Variants in UBE2QL1 observed in about 807,000 individuals in gnomAD.
UBE2QL1 encodes the protein ubiquitin conjugating enzyme E2 QL1.
Under a neutral mutation model 12.6 loss-of-function variants are expected in UBE2QL1, and 5 were observed. The observed-to-expected ratio is 0.40, with a 90% CI of 0.21 to 0.83. The LOEUF (loss-of-function observed/expected upper bound fraction) is 0.83. Ranked by LOEUF, UBE2QL1 falls within the 40% of genes least tolerant of loss-of-function variation. UBE2QL1 has a pLI of 0.37. For missense variants in UBE2QL1, 99 were observed against 222.6 expected, an observed-to-expected ratio of 0.44 and a Z score of 3.53; for synonymous variants, 96 against 94.5, an observed-to-expected ratio of 1.02 and a Z score of -0.10.
At chr5:6,472,387 C>T (rs560720299) in intron 1 of UBE2QL1, among the ~76,000 whole-genome samples, 1 of 152,182 alleles carries the variant, frequency 6.6e-6, no homozygotes, top group South Asian at 2.1e-4. Context: ...TTGCCAGAAA[C>T]TTCCAGAATG....
intron 1 of UBE2QL1, among the ~76,000 whole-genome samples, chr5:6,489,602 T>C (rs566339379): frequency 6.6e-6 from 1 of 152,126 alleles, no homozygotes; most frequent in Non-Finnish European, 1.5e-5. Context: ...AAGACAATTA[T>C]TGAAAAGGAA....
intron 1 of UBE2QL1, among the ~76,000 whole-genome samples, chr5:6,459,001 G>T (rs904388212): frequency 5.3e-5 from 8 of 152,106 alleles, no homozygotes; most frequent in Middle Eastern, 3.2e-3. Flanking sequence ...TGGGAGAGAA[G>T]AGCACAGCAA....
rs1313016910 is a variant in UBE2QL1, at chr5:6,496,079, GACA to G, written c.*4732_*4734del. On this transcript the variant is annotated 3_prime_UTR_variant, in exon 2 of 2. Transcript: ENST00000399816. ...TTCTTTCAAGGTCATGATAAGGCTA[GACA>G]AATAGAGTGCAATGAGGGGGTCAGG... Among the ~76,000 whole-genome samples the G allele has an allele frequency of 1.3e-5, 2 of 152,176 alleles. No homozygotes were observed. The highest frequency in any genetic ancestry group is 4.8e-5 in the African/African-American group (2 of 41,428).
chr5:6,457,949 C>T (rs1172243035), intron 1 of UBE2QL1, among the ~76,000 whole-genome samples: 2 of 152,194 alleles, frequency 1.3e-5, no homozygotes, highest in South Asian at 2.1e-4. Context: ...TTATCAGCAA[C>T]GTTGGACAAA....
chr5:6,454,317 G>C (rs1739472925), intron 1 of UBE2QL1, among the ~76,000 whole-genome samples: 1 of 152,196 alleles, frequency 6.6e-6, no homozygotes, highest in Non-Finnish European at 1.5e-5. Flanking sequence ...TGTAGATGCT[G>C]TGTCCTCCCT....
chr5:6,490,371 T>G (rs1048300978), intron 1 of UBE2QL1, among the ~76,000 whole-genome samples: 2 of 152,248 alleles, frequency 1.3e-5, no homozygotes, highest in Non-Finnish European at 2.9e-5. Context: ...TGGTTTCTTC[T>G]TCTGCATAGT....
intron 1 of UBE2QL1, among the ~76,000 whole-genome samples, chr5:6,462,057 C>T (rs781180276): frequency 2.0e-5 from 3 of 152,312 alleles, no homozygotes; most frequent in Non-Finnish European, 2.9e-5. Context: ...CAAGCCCAAG[C>T]GAGGGTGATG....
chr5:6,466,254 C>A (rs1054745893), intron 1 of UBE2QL1, among the ~76,000 whole-genome samples: 2 of 152,372 alleles, frequency 1.3e-5, no homozygotes, highest in Middle Eastern at 3.4e-3. Flanking sequence ...CACCAGGCAG[C>A]CATCATGGGG....
In UBE2QL1 at chr5:6,481,239, C is replaced by T. The variant is rs529108907; in HGVS notation, c.355-9979C>T. Among the ~76,000 whole-genome samples, 30 of 152,326 alleles carry T rather than the reference C, an allele frequency of 2.0e-4. No homozygotes were observed. The highest frequency in any genetic ancestry group is 6.3e-4 in the African/African-American group (26 of 41,578). On this transcript the variant is annotated intron_variant, in intron 1 of 1. Transcript: ENST00000399816. This position sits in a 1 kb window ranked among gnomAD's most constrained non-coding sequence, Gnocchi z 4.5. ...ACTGTCCCCAGCCAAACACACCCAT[C>T]CTCCCAGGACCCCACAGCCTGCTCC...
chr5:6,456,965 C>A (rs1739539931), intron 1 of UBE2QL1, among the ~76,000 whole-genome samples: 1 of 151,884 alleles, frequency 6.6e-6, no homozygotes, highest in Admixed American at 6.5e-5. Context: ...CCGCTCTCTT[C>A]CTCTCCAGCC....
chr5:6,467,452 G>A (rs1217172595), intron 1 of UBE2QL1, among the ~76,000 whole-genome samples: 2 of 152,044 alleles, frequency 1.3e-5, no homozygotes, highest in African/African-American at 2.4e-5. Context: ...TCTCCTCTAC[G>A]TGTGTCTGAA....
Position 6,460,538 on chromosome 5 carries a change from TCTA to T in UBE2QL1, c.354+11294_354+11296del, listed in dbSNP as rs33919494. Among the ~76,000 whole-genome samples the T allele has an allele frequency of 5.1e-3, 773 of 152,312 alleles. 5 individuals carry two copies. The highest frequency in any genetic ancestry group is 0.018 in the African/African-American group (750 of 41,580). On this transcript the variant is annotated intron_variant, in intron 1 of 1. Coordinates refer to ENST00000399816, the MANE Select transcript of UBE2QL1 (RefSeq NM_001145161.3). The stretch of plus-strand genomic sequence containing the variant: ...AGAGCCTCCTTTTTGCCCTCATAAA[TCTA>T]CTGCTGTGGACGCTTGCTGTTGCCT...
rs1371500343 is a variant in UBE2QL1 at position 6,476,223 on chromosome 5, ACCTCTGCTG to A, written c.355-14987_355-14979del. 6.6e-6 allele frequency among the ~76,000 whole-genome samples: 1 copy of A among 152,044 alleles called. No homozygotes were observed. The highest frequency in any genetic ancestry group is 2.4e-5 in the African/African-American group (1 of 41,384). On this transcript the variant is annotated intron_variant, in intron 1 of 1. Transcript: ENST00000399816. The surrounding 1 kb of genome is among the most constrained non-coding windows in gnomAD (Gnocchi z 4.9). Reference sequence around the variant, plus strand: ...GTCCCGATGTTTGTGCAGAGGAGACACCTCTGCTGCCTCTGCAGAGCCTGCACCTCAGCA... The same window carrying A: ...GTCCCGATGTTTGTGCAGAGGAGACACCTCTGCAGAGCCTGCACCTCAGCA...
At chr5:6,485,117 C>G (rs1734438414) in intron 1 of UBE2QL1, among the ~76,000 whole-genome samples, 1 of 152,122 alleles carries the variant, frequency 6.6e-6, no homozygotes, top group Non-Finnish European at 1.5e-5. Flanking sequence ...TGCACACATA[C>G]ACAAATGCAT....
At chr5:6,459,520 G>C (rs1489020313) in intron 1 of UBE2QL1, among the ~76,000 whole-genome samples, 1 of 151,938 alleles carries the variant, frequency 6.6e-6, no homozygotes, top group African/African-American at 2.4e-5. Context: ...AGGTGTCTGG[G>C]GACACCTGCA....
chr5:6,460,040 C>T (rs1415940207), intron 1 of UBE2QL1, among the ~76,000 whole-genome samples: 1 of 152,140 alleles, frequency 6.6e-6, no homozygotes, highest in Non-Finnish European at 1.5e-5. Flanking sequence ...AGGGCCAGAG[C>T]AACTGGGATC....
At chr5:6,459,267 A>T (rs1229647265) in intron 1 of UBE2QL1, among the ~76,000 whole-genome samples, 3 of 152,252 alleles carry the variant, frequency 2.0e-5, no homozygotes, top group Admixed American at 6.5e-5. Flanking sequence ...AAAGGACATT[A>T]CCGTAAGTCA....
intron 1 of UBE2QL1, among the ~76,000 whole-genome samples, chr5:6,466,752 G>A (rs562351677): frequency 3.3e-5 from 5 of 152,196 alleles, no homozygotes; most frequent in Non-Finnish European, 5.9e-5. Flanking sequence ...ATGTCACTCC[G>A]GCCCTACATA....
At chr5:6,463,429 G>C (rs1474071924) in intron 1 of UBE2QL1, among the ~76,000 whole-genome samples, 1 of 151,994 alleles carries the variant, frequency 6.6e-6, no homozygotes, top group Non-Finnish European at 1.5e-5. Context: ...TAAGGAAGGT[G>C]CTAAGTAAGG....
Sources: allele counts gnomAD v4.1 joint callset (sites outside exome capture counted in the v4.1 genomes callset), GRCh38; gene constraint gnomAD v4.1.1; non-coding constraint Gnocchi (gnomAD v3.1); transcripts MANE v1.5; gene names NCBI Gene and HGNC (gene_info 2026-07-23, HGNC 2026-07-21).